PARD3: variants seen among roughly 807,000 people sequenced by gnomAD.
PARD3 encodes partitioning defective 3 homolog.
In PARD3, 75 loss-of-function variants were observed where a neutral mutation model predicts 155.4. The observed-to-expected ratio is 0.48, with a 90% CI of 0.40 to 0.58. The LOEUF (loss-of-function observed/expected upper bound fraction) is 0.58. Among genes scored for constraint, PARD3 ranks in the 20% least tolerant of loss-of-function variants. The pLI is 0.00. For missense variants in PARD3, 1,642 were observed against 1,721.7 expected (o/e 0.95, Z 0.82); for synonymous variants, 576 against 610.5 (o/e 0.94, Z 0.83).
At chr10:34,517,705 C>G (rs1357539200) in intron 2 of PARD3, among the ~76,000 whole-genome samples, 1 of 152,092 alleles carries the variant, frequency 6.6e-6, no homozygotes, top group Non-Finnish European at 1.5e-5. Context: ...GCCCCCCACA[C>G]ACACACAAAC....
chr10:34,664,480 C>T (rs936661246), intron 2 of PARD3, among the ~76,000 whole-genome samples: 30 of 151,508 alleles, frequency 2.0e-4, no homozygotes, highest in African/African-American at 6.6e-4. Context: ...GGATTATAGG[C>T]GTAAGCCACT....
chr10:34,179,914 A>AT (rs980808278), intron 22 of PARD3, among the ~76,000 whole-genome samples: 23 of 150,104 alleles, frequency 1.5e-4, no homozygotes, highest in South Asian at 1.1e-3. Context: ...AAAATGCCTT[A>AT]TTTTTTTTTT....
intron 1 of PARD3, among the ~76,000 whole-genome samples, chr10:34,786,129 A>G (rs1410469926): frequency 6.6e-6 from 1 of 152,248 alleles, no homozygotes; most frequent in Non-Finnish European, 1.5e-5. Flanking sequence ...ATCACATATG[A>G]AATACAGAAC....
At chr10:34,513,769 T>C (rs192571028) in intron 3 of PARD3, among the ~76,000 whole-genome samples, 6 of 152,374 alleles carry the variant, frequency 3.9e-5, no homozygotes, top group African/African-American at 1.4e-4. Context: ...TCAGGGTTTC[T>C]AACCGTGGCA....
intron 22 of PARD3, among the ~76,000 whole-genome samples, chr10:34,218,307 T>C (rs1952107554): frequency 6.6e-6 from 1 of 152,208 alleles, no homozygotes; most frequent in Admixed American, 6.5e-5. Flanking sequence ...TGGTGCTCTG[T>C]CATTGTTTGC....
chr10:34,471,161 T>A (rs1171135450), intron 3 of PARD3, among the ~76,000 whole-genome samples: 1 of 152,240 alleles, frequency 6.6e-6, no homozygotes, highest in Admixed American at 6.5e-5. Flanking sequence ...CAAAGTAATA[T>A]GTTAATCTGC....
chr10:34,362,046 C>CGCAGGTGGATCACGAGGTCGAA (rs913036294), intron 12 of PARD3, among the ~76,000 whole-genome samples: 6 of 152,052 alleles, frequency 3.9e-5, no homozygotes, highest in Non-Finnish European at 7.4e-5. Flanking sequence ...GGGAGGCCGA[C>CGCAGGTGGATCACGAGGTCGAA]GCAGGTGGAT....
At chr10:34,510,097 A>C (rs1223686444) in intron 3 of PARD3, among the ~76,000 whole-genome samples, 1 of 152,224 alleles carries the variant, frequency 6.6e-6, no homozygotes, top group Non-Finnish European at 1.5e-5. Flanking sequence ...AGAATTGAGT[A>C]ATACTGATGT....
chr10:34,533,919 G>A (rs1429407405), intron 2 of PARD3, among the ~76,000 whole-genome samples: 1 of 152,098 alleles, frequency 6.6e-6, no homozygotes, highest in African/African-American at 2.4e-5. Flanking sequence ...ACAGTCCTTT[G>A]CAATTCTATC....
chr10:34,429,594 G>GTT (rs559840029), intron 5 of PARD3, among the ~76,000 whole-genome samples: 1 of 138,374 alleles, frequency 7.2e-6, no homozygotes, highest in African/African-American at 3.1e-5. Context: ...GTTTTGTTTT[G>GTT]TTTTGTTTTA....
rs12262537 is a variant in PARD3, at chr10:34,459,632, G to C, written c.583-9184C>G. 2.6e-3 allele frequency among the ~76,000 whole-genome samples: 397 copies of C among 152,190 alleles called. 2 individuals carry two copies. The highest frequency in any genetic ancestry group is 9.2e-3 in the African/African-American group (384 of 41,530). ...AGATAGTAAAATACTTATAGTGGTT[G>C]CCTAATTCCAAAATACCTACAGTCT... On this transcript the variant is annotated intron_variant, in intron 4 of 24. Coordinates refer to ENST00000374788, the MANE Select transcript of PARD3 (RefSeq NM_001184785.2).
At chr10:34,473,218 A>C (rs2078472871) in intron 3 of PARD3, among the ~76,000 whole-genome samples, 1 of 152,202 alleles carries the variant, frequency 6.6e-6, no homozygotes. Context: ...TTTCAGCAAT[A>C]TTTATAAAAT....
chr10:34,427,518 C>T (rs1460205351), intron 5 of PARD3, among the ~76,000 whole-genome samples: 1 of 152,190 alleles, frequency 6.6e-6, no homozygotes, highest in Non-Finnish European at 1.5e-5. Context: ...ACAATGCATG[C>T]ACAGCGGGAC....
intron 20 of PARD3, among the ~76,000 whole-genome samples, chr10:34,295,102 T>C (rs189870954): frequency 1.8e-4 from 28 of 152,234 alleles, no homozygotes; most frequent in African/African-American, 6.7e-4. Context: ...AAAATGTCAA[T>C]GGCTCTCTTC....
intron 2 of PARD3, among the ~76,000 whole-genome samples, chr10:34,519,765 G>A (rs1451459267): frequency 1.3e-5 from 2 of 152,002 alleles, no homozygotes; most frequent in African/African-American, 2.4e-5. Context: ...AGTGAGCCAA[G>A]ATCCTGCCAC....
chr10:34,700,789 T>C lies in PARD3; in HGVS notation c.121-4370A>G, dbSNP rs183083133. ...GAGTTAGAGACCAGCCTGGCCGACA[T>C]GATGAAACCCTGTCTCTACAAAAAG... On this transcript the variant is annotated intron_variant, in intron 1 of 24. Transcript: ENST00000374788. 3.8e-3 allele frequency among the ~76,000 whole-genome samples: 574 copies of C among 152,164 alleles called. 2 individuals are homozygous for C. Among genetic ancestry groups the C allele is most frequent in the African/African-American group, 0.013 (546 of 41,514 alleles).
chr10:34,428,590 G>A (rs1384927026), intron 5 of PARD3, among the ~76,000 whole-genome samples: 1 of 152,124 alleles, frequency 6.6e-6, no homozygotes, highest in Non-Finnish European at 1.5e-5. Flanking sequence ...TCAAAATACA[G>A]TTGAAAATGA....
chr10:34,269,303 C>T lies in PARD3; in HGVS notation c.3419+354G>A, dbSNP rs546403608. Among the ~76,000 whole-genome samples, 12 of 152,184 alleles carry T rather than the reference C, an allele frequency of 7.9e-5. No homozygotes were observed. The East Asian group carries it at 2.3e-3, about 29-fold the overall frequency. On this transcript the variant is annotated intron_variant, in intron 22 of 24. Transcript: ENST00000374788. The stretch of plus-strand genomic sequence containing the variant: ...TGTCATTCCCCATCTATTTAATTGC[C>T]ACACCTAGAGGCTCTCCTAGCAATA...
intron 2 of PARD3, among the ~76,000 whole-genome samples, chr10:34,692,810 G>A (rs1404669487): frequency 6.6e-6 from 1 of 152,214 alleles, no homozygotes; most frequent in Non-Finnish European, 1.5e-5. Context: ...GGGGATGGAG[G>A]TTGCAGTGAG....
Sources: allele counts gnomAD v4.1 joint callset (sites outside exome capture counted in the v4.1 genomes callset), GRCh38; gene constraint gnomAD v4.1.1; transcripts MANE v1.5; gene names NCBI Gene and HGNC (gene_info 2026-07-23, HGNC 2026-07-21).